MAP3K9: variants seen among roughly 807,000 people sequenced by gnomAD.
MAP3K9 encodes the protein mitogen-activated protein kinase kinase kinase 9.
In MAP3K9, 46 loss-of-function variants were observed where a neutral mutation model predicts 95.8. The ratio of observed to expected loss-of-function variants is 0.48; its 90% CI spans 0.38 to 0.61. The LOEUF (loss-of-function observed/expected upper bound fraction) is 0.61, where lower values mean the gene tolerates loss of function less well. MAP3K9 is among the 20% of genes least tolerant of loss of function. The pLI is 0.00. For missense variants in MAP3K9, 1,296 were observed against 1,474.3 expected (o/e 0.88, Z 1.98); for synonymous variants, 533 against 593.8 (o/e 0.90, Z 1.49).
At position 70,767,757 on chromosome 14, in the gene MAP3K9, T is replaced by C. The variant is rs1010401205; in HGVS notation, c.821-6575A>G. ...AGAATGGAGTGCAGTGGCACAATCA[T>C]AGCTCACTGTAACCTTGAACTACTG... On this transcript the variant is annotated intron_variant, in intron 2 of 11. Transcript: ENST00000554752. 7.2e-5 allele frequency among the ~76,000 whole-genome samples: 11 copies of C among 152,308 alleles called. No homozygotes were observed. In the East Asian group the frequency reaches 1.7e-3, roughly 24 times the overall value.
At chr14:70,763,172 A>C (rs184409447) in intron 2 of MAP3K9, among the ~76,000 whole-genome samples, 42 of 152,372 alleles carry the variant, frequency 2.8e-4, no homozygotes, top group Admixed American at 1.7e-3. Flanking sequence ...TGAAAAATGT[A>C]AGAATGTTTT....
chr14:70,784,737 A>T (rs1402162401), intron 2 of MAP3K9, among the ~76,000 whole-genome samples: 1 of 152,210 alleles, frequency 6.6e-6, no homozygotes, highest in Non-Finnish European at 1.5e-5. Flanking sequence ...AGCAAACCTG[A>T]GGCTACAGAA....
At chr14:70,793,977 C>T (rs752862602) in intron 2 of MAP3K9, among the ~76,000 whole-genome samples, 9 of 152,152 alleles carry the variant, frequency 5.9e-5, no homozygotes, top group Admixed American at 3.3e-4. Flanking sequence ...TATTCTTCTA[C>T]GAACTACCAG....
rs2053782229 is a variant in MAP3K9 at position 70,723,674 on chromosome 14, G to C, written c.*6706C>G. 6.6e-6 allele frequency: 1 copy of C among 152,172 alleles called. No homozygotes were observed. Among genetic ancestry groups the C allele is most frequent in the Non-Finnish European group, 1.5e-5 (1 of 68,038 alleles). 9.4% of individuals were successfully genotyped at this position (152,172 alleles called of 1,614,324 possible). A position where few individuals can be genotyped will look rare whatever the true frequency, so the allele number is the denominator to read the frequency against. The stretch of plus-strand genomic sequence containing the variant: ...CCCTGGGCAAATTACAGAGCCATCA[G>C]AGCCTTGGTTTCCACATTCTTAAAT... On this transcript the variant is annotated 3_prime_UTR_variant, in exon 12 of 12. Transcript: ENST00000554752.
intron 2 of MAP3K9, among the ~76,000 whole-genome samples, chr14:70,787,808 C>CA (rs934815181): frequency 1.0e-4 from 15 of 149,476 alleles, no homozygotes; most frequent in Admixed American, 2.7e-4. Context: ...GAACTAGGGA[C>CA]AAAAAAAAAC....
chr14:70,808,447 TG>T (rs932090516), intron 1 of MAP3K9, among the ~76,000 whole-genome samples: 9 of 97,374 alleles, frequency 9.2e-5, no homozygotes, highest in Admixed American at 3.3e-4. Flanking sequence ...GGCGGGGGGG[TG>T]GGTAAGAGAA....
intron 2 of MAP3K9, among the ~76,000 whole-genome samples, chr14:70,782,633 C>A (rs543612074): frequency 6.6e-6 from 1 of 152,340 alleles, no homozygotes; most frequent in Admixed American, 6.5e-5. Flanking sequence ...CATGTAAGAG[C>A]AGGGAGGAAC....
chr14:70,795,819 C>T (rs553038379), intron 2 of MAP3K9, among the ~76,000 whole-genome samples: 1 of 151,242 alleles, frequency 6.6e-6, no homozygotes, highest in South Asian at 2.1e-4. Context: ...AGTGCAGTGG[C>T]ACAATCTTAG....
At chr14:70,771,050 CT>C (rs1228398593) in intron 2 of MAP3K9, among the ~76,000 whole-genome samples, 179 of 144,166 alleles carry the variant, frequency 1.2e-3, no homozygotes, top group Admixed American at 1.5e-3. Flanking sequence ...AAAGGGATTG[CT>C]TTTTTTTTTT....
chr14:70,768,729 G>A (rs1402442968), intron 2 of MAP3K9, among the ~76,000 whole-genome samples: 1 of 152,046 alleles, frequency 6.6e-6, no homozygotes, highest in Admixed American at 6.6e-5. Flanking sequence ...CTCAAAACTT[G>A]GCATCACTGA....
chr14:70,801,177 T>C (rs976759961), intron 1 of MAP3K9, 97 bp from the exon 2 acceptor site: 4 of 1,174,154 alleles, frequency 3.4e-6, no homozygotes, highest in Admixed American at 4.9e-5. Flanking sequence ...CGGCAAGTTG[T>C]CTGTTTACTG....
At chr14:70,735,896 G>C in intron 9 of MAP3K9, 65 bp downstream of exon 9, 1 of 1,241,194 alleles carries the variant, frequency 8.1e-7, no homozygotes, top group Non-Finnish European at 1.2e-6. Flanking sequence ...TATGCTGTAA[G>C]AACAAGGAAA....
At chr14:70,763,918 G>A (rs2054409345) in intron 2 of MAP3K9, among the ~76,000 whole-genome samples, 1 of 151,652 alleles carries the variant, frequency 6.6e-6, no homozygotes, top group Admixed American at 6.6e-5. Flanking sequence ...GGGCGCGGTG[G>A]CTCACGCCTG....
chr14:70,808,521 G>A (rs1248364529), intron 1 of MAP3K9, among the ~76,000 whole-genome samples: 5 of 152,144 alleles, frequency 3.3e-5, no homozygotes, highest in Non-Finnish European at 7.4e-5. Flanking sequence ...GGGAGCCACT[G>A]CTGAGGTGGC....
intron 2 of MAP3K9, among the ~76,000 whole-genome samples, chr14:70,772,905 C>T (rs565432499): frequency 6.6e-5 from 10 of 152,162 alleles, no homozygotes; most frequent in African/African-American, 1.7e-4. Flanking sequence ...TGGGAAGAGA[C>T]GAAGCCAGGA....
intron 3 of MAP3K9, among the ~76,000 whole-genome samples, chr14:70,751,573 G>A (rs940883311): frequency 1.3e-5 from 2 of 152,058 alleles, no homozygotes; most frequent in Non-Finnish European, 2.9e-5. Flanking sequence ...ACAAAAATTA[G>A]CCAGGTGTGG....
Position 70,722,923 on chromosome 14 carries a change from C to T in MAP3K9, c.*7457G>A, listed in dbSNP as rs1409854907. The T allele has an allele frequency of 2.0e-5, 3 of 152,136 alleles. No homozygotes were observed. Among genetic ancestry groups the T allele is most frequent in the Non-Finnish European group, 4.4e-5 (3 of 68,034 alleles). 9.4% of individuals were successfully genotyped at this position (152,136 alleles called of 1,614,324 possible). A position where few individuals can be genotyped will look rare whatever the true frequency, so the allele number is the denominator to read the frequency against. On this transcript the variant is annotated 3_prime_UTR_variant, in exon 12 of 12. Coordinates refer to ENST00000554752, the MANE Select transcript of MAP3K9 (RefSeq NM_001284230.2). ...TTTCACTTCACCTAGACTTAAAAGC[C>T]CTAAGGGGGAGGAAAAATCCCAAAG...
intron 3 of MAP3K9, among the ~76,000 whole-genome samples, chr14:70,754,165 A>C (rs923652562): frequency 1.3e-5 from 2 of 152,230 alleles, no homozygotes; most frequent in African/African-American, 2.4e-5. Flanking sequence ...TCTTCTTCTT[A>C]TTAACTGAAC....
chr14:70,769,574 AAAATCAAG>A (rs2139801795), intron 2 of MAP3K9, among the ~76,000 whole-genome samples: 1 of 152,344 alleles, frequency 6.6e-6, no homozygotes, highest in South Asian at 2.1e-4. Flanking sequence ...TTAGAAGTCC[AAAATCAAG>A]GTGTCGGCAG....
Sources: gnomAD v4.1 joint callset for allele counts (sites outside exome capture counted in the v4.1 genomes callset) on GRCh38, gnomAD v4.1.1 for gene constraint, MANE v1.5 for transcripts, NCBI Gene and HGNC (gene_info 2026-07-23, HGNC 2026-07-21) for gene names.